Variants in RNF13 observed in about 807,000 individuals in gnomAD.
RNF13 encodes the protein E3 ubiquitin-protein ligase RNF13.
In RNF13, 19 loss-of-function variants were observed where a neutral mutation model predicts 37.7. The ratio of observed to expected loss-of-function variants is 0.50; its 90% CI spans 0.35 to 0.74. The LOEUF (loss-of-function observed/expected upper bound fraction) is 0.74. Among genes scored for constraint, RNF13 ranks in the 30% least tolerant of loss-of-function variants. The probability of loss-of-function intolerance (pLI) is 0.01; values close to 1 mark genes in which losing one functional copy is unlikely to be tolerated. For synonymous variants in RNF13, 144 were observed against 157.8 expected (o/e 0.91, Z 0.65); for missense variants, 375 against 453.0 (o/e 0.83, Z 1.56).
intron 3 of RNF13, among the ~76,000 whole-genome samples, chr3:149,854,721 A>G (rs1289618671): frequency 6.6e-6 from 1 of 152,166 alleles, no homozygotes; most frequent in Non-Finnish European, 1.5e-5. Context: ...TTGTGGTTTT[A>G]CCTCACAACA....
At chr3:149,889,037 C>T (rs1206248028) in intron 4 of RNF13, among the ~76,000 whole-genome samples, 2 of 152,020 alleles carry the variant, frequency 1.3e-5, no homozygotes, top group Non-Finnish European at 2.9e-5. Flanking sequence ...CTCCTGGGTT[C>T]AAGCGATTCT....
intron 1 of RNF13, among the ~76,000 whole-genome samples, chr3:149,845,012 G>A (rs372406749): frequency 6.6e-6 from 1 of 151,934 alleles, no homozygotes; most frequent in East Asian, 1.9e-4. Flanking sequence ...ACTTTTTGTC[G>A]TTAAGGAACA....
At chr3:149,829,483 A>G (rs1720831893) in intron 1 of RNF13, among the ~76,000 whole-genome samples, 1 of 152,206 alleles carries the variant, frequency 6.6e-6, no homozygotes, top group Non-Finnish European at 1.5e-5. Context: ...ATTGTAAAAC[A>G]TTTATTGCAT....
chr3:149,886,658 T>C (rs1011428493), intron 4 of RNF13, among the ~76,000 whole-genome samples: 1 of 151,974 alleles, frequency 6.6e-6, no homozygotes, highest in Admixed American at 6.6e-5. Context: ...GGGCCAAGAG[T>C]GGAATTCTTG....
chr3:149,916,173 T>G (rs1717487883), intron 7 of RNF13, among the ~76,000 whole-genome samples: 1 of 152,150 alleles, frequency 6.6e-6, no homozygotes, highest in East Asian at 1.9e-4. Context: ...TCTAGTGACC[T>G]TCTCATAGTT....
In RNF13 at chr3:149,892,765, C is replaced by T. The variant is rs555342154; in HGVS notation, c.322-2708C>T. ...GGAACAGTTTCATTCTGAAACTATTCCCCCGGTGGAAAAGTTGTCTTCCAC... is the reference window on the plus strand; with the variant it reads ...GGAACAGTTTCATTCTGAAACTATTTCCCCGGTGGAAAAGTTGTCTTCCAC... On this transcript the variant is annotated intron_variant, in intron 4 of 9. Transcript: ENST00000392894. Among the ~76,000 whole-genome samples the T allele has an allele frequency of 2.0e-5, 3 of 152,258 alleles. No individual in the cohort carries two copies. The East Asian group carries it at 5.8e-4, about 29-fold the overall frequency.
chr3:149,951,160 G>A (rs1721293509), intron 8 of RNF13, among the ~76,000 whole-genome samples: 1 of 152,082 alleles, frequency 6.6e-6, no homozygotes, highest in Non-Finnish European at 1.5e-5. Context: ...TGAGTCTCTG[G>A]CAATTTATCA....
intron 3 of RNF13, among the ~76,000 whole-genome samples, chr3:149,863,674 C>T (rs1294106771): frequency 6.6e-6 from 1 of 152,170 alleles, no homozygotes; most frequent in African/African-American, 2.4e-5. Flanking sequence ...GCCACCACAC[C>T]CGGGCTACAT....
At chr3:149,880,060 C>T (rs1713206293) in intron 4 of RNF13, among the ~76,000 whole-genome samples, 1 of 152,210 alleles carries the variant, frequency 6.6e-6, no homozygotes, top group Admixed American at 6.5e-5. Context: ...GAGGAGTATA[C>T]TCAGAGATCT....
At chr3:149,929,282 A>C (rs1337517847) in intron 8 of RNF13, among the ~76,000 whole-genome samples, 2 of 152,198 alleles carry the variant, frequency 1.3e-5, no homozygotes, top group Non-Finnish European at 2.9e-5. Flanking sequence ...GAGTGAGTGC[A>C]AGCAGGGGAG....
intron 4 of RNF13, among the ~76,000 whole-genome samples, chr3:149,886,880 C>T (rs1041472192): frequency 1.1e-4 from 16 of 152,166 alleles, no homozygotes; most frequent in African/African-American, 3.9e-4. Context: ...TTTCATTCAT[C>T]TCAAAGTATT....
At chr3:149,876,781 T>TC (rs1193374118) in intron 4 of RNF13, among the ~76,000 whole-genome samples, 1 of 147,128 alleles carries the variant, frequency 6.8e-6, no homozygotes, top group East Asian at 2.0e-4. Context: ...CTTTTTTTTT[T>TC]TTTTTTTTTT....
At chr3:149,888,630 G>A (rs145177492) in intron 4 of RNF13, among the ~76,000 whole-genome samples, 2 of 152,286 alleles carry the variant, frequency 1.3e-5, no homozygotes, top group African/African-American at 4.8e-5. Context: ...AGTAAATAAT[G>A]TTCTAGTTCT....
At chr3:149,955,927 T>G (rs772831001) in intron 8 of RNF13, among the ~76,000 whole-genome samples, 1 of 152,200 alleles carries the variant, frequency 6.6e-6, no homozygotes, top group Non-Finnish European at 1.5e-5. Flanking sequence ...GTAATTCCTC[T>G]TTCTAAATTT....
chr3:149,942,494 G>T (rs1210483562), intron 8 of RNF13, among the ~76,000 whole-genome samples: 2 of 151,370 alleles, frequency 1.3e-5, no homozygotes, highest in Middle Eastern at 3.4e-3. Context: ...GTTTTGTTTT[G>T]TTTTTTTTAC....
chr3:149,908,313 CT>C (rs1326369760), intron 6 of RNF13, among the ~76,000 whole-genome samples: 1 of 152,048 alleles, frequency 6.6e-6, no homozygotes, highest in Non-Finnish European at 1.5e-5. Flanking sequence ...GGTATTTAAT[CT>C]TCATGGACAT....
chr3:149,840,439 A>C (rs1161531922), intron 1 of RNF13, among the ~76,000 whole-genome samples: 1 of 152,204 alleles, frequency 6.6e-6, no homozygotes, highest in Non-Finnish European at 1.5e-5. Context: ...GACGAGGGGC[A>C]CAAGGAGGAG....
chr3:149,917,384 A>G (rs1466753479), intron 7 of RNF13: 1 of 152,330 alleles, frequency 6.6e-6, no homozygotes, highest in African/African-American at 2.4e-5. Flanking sequence ...CTTGCACTGC[A>G]CGGGGGTCAT....
Position 149,902,134 on chromosome 3 carries a change from CT to C in RNF13, c.473del (p.Leu158ArgfsTer15). On this transcript the variant is annotated frameshift_variant, in exon 6 of 10. Transcript: ENST00000392894. LOFTEE classifies it high-confidence loss of function. The part of the protein sequence containing the change: ...VFIGESSANS[L>X]KDEFTYEKGG... ...TATTGGTGAATCATCAGCTAATTCT[CT>C]GAAAGATGAATTCACATATGAAAAA... 6.6e-7 allele frequency: 1 copy of C among 1,526,492 alleles called. No individual in the cohort carries two copies. Among genetic ancestry groups the C allele is most frequent in the Non-Finnish European group, 8.8e-7 (1 of 1,132,812 alleles). The allele number at this position is 1,526,492 out of a possible 1,614,324, so 94.6% of individuals were successfully genotyped here.
Sources: gnomAD v4.1 joint callset for allele counts (sites outside exome capture counted in the v4.1 genomes callset) on GRCh38, gnomAD v4.1.1 for gene constraint, MANE v1.5 for transcripts, NCBI Gene and HGNC (gene_info 2026-07-23, HGNC 2026-07-21) for gene names.